Variants in ITSN1 observed in about 807,000 individuals in gnomAD.
The protein encoded by ITSN1 is intersectin-1.
ITSN1 carries 58 observed loss-of-function variants against 239.8 expected under a neutral mutation model. The observed-to-expected ratio is 0.24, with a 90% CI of 0.20 to 0.30. ITSN1 has a LOEUF of 0.30. ITSN1 is among the 10% of genes least tolerant of loss of function. The pLI, the probability that ITSN1 is intolerant of heterozygous loss-of-function variation, is 1.00. For synonymous variants in ITSN1, 780 were observed against 770.8 expected (o/e 1.01, Z -0.20); for missense variants, 1,558 against 2,103.3 (o/e 0.74, Z 5.07).
At position 33,888,432 on chromosome 21, in the gene ITSN1, C is replaced by T; in HGVS notation, c.*132C>T. Reference sequence around the variant, plus strand: ...GGGATATGGGATGGCAAAGACAGGCCCCTCAAAGCTCCTAGGAATCATTCT... The same window carrying T: ...GGGATATGGGATGGCAAAGACAGGCTCCTCAAAGCTCCTAGGAATCATTCT... On this transcript the variant is annotated 3_prime_UTR_variant, in exon 40 of 40. Transcript: ENST00000381318. The T allele has an allele frequency of 1.2e-6, 1 of 846,788 alleles. No homozygotes were observed. 52.5% of individuals were successfully genotyped at this position (846,788 alleles called of 1,614,324 possible).
At chr21:33,772,018 G>C (rs755900467) in intron 11 of ITSN1, 43 bp from the exon 12 acceptor site, 17 of 1,599,216 alleles carry the variant, frequency 1.1e-5, no homozygotes, top group Admixed American at 1.7e-5. Context: ...AGAGTCCGTT[G>C]AAAATCTTGA....
intron 8 of ITSN1, chr21:33,757,172 A>G (rs1299611441): frequency 1.3e-5 from 2 of 152,224 alleles, no homozygotes; most frequent in African/African-American, 2.4e-5. Context: ...GAATCCAAAA[A>G]TATTTCTTGA....
intron 21 of ITSN1, among the ~76,000 whole-genome samples, chr21:33,813,664 C>T (rs2073066725): frequency 1.3e-5 from 2 of 152,104 alleles, no homozygotes; most frequent in African/African-American, 2.4e-5. Flanking sequence ...CCTCCTTGTT[C>T]TTTCACTGTA....
Position 33,883,688 on chromosome 21 carries a change from CCCCA to C in ITSN1, c.4676+18_4676+21del, listed in dbSNP as rs1985304201. 1 of 1,611,086 alleles carries C rather than the reference CCCCA, an allele frequency of 6.2e-7. No homozygotes were observed. Among genetic ancestry groups the C allele is most frequent in the East Asian group, 2.2e-5 (1 of 44,750 alleles). On this transcript the variant is annotated intron_variant, in intron 36 of 39. Coordinates refer to ENST00000381318, the MANE Select transcript of ITSN1 (RefSeq NM_003024.3). ...AAATGAAAGGTGAGACCTGCCGCCT[CCCCA>C]GCATGGGCCCCAGGGCTCCACGGCT...
chr21:33,700,127 A>G (rs914350874), intron 1 of ITSN1, among the ~76,000 whole-genome samples: 2 of 150,566 alleles, frequency 1.3e-5, no homozygotes, highest in Admixed American at 1.3e-4. Context: ...TCTGTTGCCC[A>G]GGCTGGAGTG....
chr21:33,747,738 AT>A (rs1429979100), intron 5 of ITSN1, among the ~76,000 whole-genome samples: 2 of 152,258 alleles, frequency 1.3e-5, no homozygotes, highest in Non-Finnish European at 2.9e-5. Flanking sequence ...CAAAACTATC[AT>A]TTAAAAATGA....
intron 1 of ITSN1, among the ~76,000 whole-genome samples, chr21:33,670,404 T>C (rs953208327): frequency 6.6e-6 from 1 of 152,110 alleles, no homozygotes; most frequent in Non-Finnish European, 1.5e-5. Flanking sequence ...CCCTAATTTA[T>C]GATTTGGTTA....
intron 34 of ITSN1, among the ~76,000 whole-genome samples, chr21:33,881,970 A>C (rs569896857): frequency 4.5e-4 from 68 of 151,438 alleles, no homozygotes; most frequent in Non-Finnish European, 7.5e-4. Flanking sequence ...AAAAGAAAAG[A>C]AAAAACACAC....
chr21:33,673,841 A>AT (rs1459774787), intron 1 of ITSN1, among the ~76,000 whole-genome samples: 1 of 152,228 alleles, frequency 6.6e-6, no homozygotes, highest in Non-Finnish European at 1.5e-5. Flanking sequence ...ACTTTGTTTC[A>AT]TGTTTATCAT....
At chr21:33,658,912 A>G (rs2089317655) in intron 1 of ITSN1, among the ~76,000 whole-genome samples, 1 of 152,202 alleles carries the variant, frequency 6.6e-6, no homozygotes, top group African/African-American at 2.4e-5. Flanking sequence ...CTTCTTATTC[A>G]TAATGAGTCC....
At chr21:33,705,075 C>T (rs1299038775) in intron 1 of ITSN1, among the ~76,000 whole-genome samples, 9 of 143,876 alleles carry the variant, frequency 6.3e-5, no homozygotes, top group Non-Finnish European at 3.0e-5. Flanking sequence ...CGGGCCACTG[C>T]ACTCCAGCCT....
chr21:33,784,626 C>G (rs1300000344), intron 16 of ITSN1, among the ~76,000 whole-genome samples: 1 of 152,172 alleles, frequency 6.6e-6, no homozygotes, highest in Non-Finnish European at 1.5e-5. Context: ...CTCTAGTATT[C>G]CTCTCAAACC....
chr21:33,750,072 C>T, intron 5 of ITSN1, 71 bp from the exon 6 acceptor site: 2 of 1,383,264 alleles, frequency 1.4e-6, no homozygotes, highest in Non-Finnish European at 2.0e-6. Flanking sequence ...TTAAGCAGTA[C>T]TGGGTTAATT....
At chr21:33,766,469 AAGAG>A (rs747970926) in intron 10 of ITSN1, among the ~76,000 whole-genome samples, 14 of 152,222 alleles carry the variant, frequency 9.2e-5, no homozygotes, top group Non-Finnish European at 2.1e-4. Flanking sequence ...TAAAGATGTC[AAGAG>A]AGTCACCTGA....
chr21:33,755,761 T>C (rs1212687429), intron 8 of ITSN1, among the ~76,000 whole-genome samples: 5 of 152,110 alleles, frequency 3.3e-5, no homozygotes, highest in African/African-American at 1.2e-4. Flanking sequence ...TAGGTTAGAG[T>C]TGGAGGCAGC....
chr21:33,826,790 C>T (rs2073998351), intron 25 of ITSN1, 28 bp from the exon 26 acceptor site: 2 of 1,609,054 alleles, frequency 1.2e-6, no homozygotes, highest in Middle Eastern at 1.7e-4. Context: ...CTTCAGCATG[C>T]AAATGAGACC....
intron 14 of ITSN1, among the ~76,000 whole-genome samples, chr21:33,778,788 C>T (rs8131096): frequency 0.2 from 28,743 of 142,704 alleles, 5,099 homozygotes; most frequent in African/African-American, 0.47. Context: ...CCGTTTTAGC[C>T]GGGATGGTCT....
chr21:33,669,914 C>T (rs2090162594), intron 1 of ITSN1, among the ~76,000 whole-genome samples: 1 of 151,986 alleles, frequency 6.6e-6, no homozygotes, highest in African/African-American at 2.4e-5. Flanking sequence ...CCCCTTACAC[C>T]TGATTTAATT....
intron 16 of ITSN1, among the ~76,000 whole-genome samples, chr21:33,785,927 T>C (rs1395748537): frequency 6.6e-6 from 1 of 152,168 alleles, no homozygotes; most frequent in Non-Finnish European, 1.5e-5. Context: ...AATAATTACT[T>C]GAGAAAGGAA....
Sources: allele counts gnomAD v4.1 joint callset (sites outside exome capture counted in the v4.1 genomes callset), GRCh38; gene constraint gnomAD v4.1.1; transcripts MANE v1.5; gene names NCBI Gene and HGNC (gene_info 2026-07-23, HGNC 2026-07-21).